Variants in SDK1 observed in about 807,000 individuals in gnomAD.
The protein encoded by SDK1 is protein sidekick-1.
SDK1 carries 157 observed loss-of-function variants against 245.5 expected under a neutral mutation model. That is an observed-to-expected ratio of 0.64 (90% CI 0.56 to 0.73). The LOEUF (loss-of-function observed/expected upper bound fraction) is 0.73, where lower values mean the gene tolerates loss of function less well. Among genes scored for constraint, SDK1 ranks in the 30% least tolerant of loss-of-function variants. The pLI, the probability that SDK1 is intolerant of heterozygous loss-of-function variation, is 0.00. For synonymous variants in SDK1, 1,647 were observed against 1,278.5 expected, an observed-to-expected ratio of 1.29 and a Z score of -6.15; for missense variants, 3,583 against 3,002.3, an observed-to-expected ratio of 1.19 and a Z score of -4.52.
At chr7:3,504,178 A>ATGTGTGTGTGTGTGTGTGTGTG (rs1159786202) in intron 1 of SDK1, among the ~76,000 whole-genome samples, 5 of 52,428 alleles carry the variant, frequency 9.5e-5, no homozygotes, top group Middle Eastern at 8.8e-3. Context: ...TTATATATAT[A>ATGTGTGTGTGTGTGTGTGTGTG]TATATGTGTG....
chr7:3,622,536 T>G (rs1195040183), intron 2 of SDK1, among the ~76,000 whole-genome samples: 1 of 152,146 alleles, frequency 6.6e-6, no homozygotes, highest in East Asian at 1.9e-4. Context: ...TGCCAAAGTG[T>G]ACAAAAAACT....
At chr7:4,197,951 A>G (rs1359541078) in intron 35 of SDK1, among the ~76,000 whole-genome samples, 2 of 152,192 alleles carry the variant, frequency 1.3e-5, no homozygotes, top group African/African-American at 4.8e-5. Flanking sequence ...CAAAGTGCAG[A>G]TGGTTTCGGA....
intron 1 of SDK1, among the ~76,000 whole-genome samples, chr7:3,367,606 C>T (rs1375914807): frequency 2.6e-5 from 4 of 152,120 alleles, no homozygotes; most frequent in African/African-American, 9.7e-5. Context: ...TGTATTTGTG[C>T]TGAATTTCCA....
chr7:4,220,474 A>G (rs1043387995), intron 39 of SDK1, among the ~76,000 whole-genome samples: 2 of 150,078 alleles, frequency 1.3e-5, no homozygotes, highest in Admixed American at 1.3e-4. Flanking sequence ...TGTTACATCC[A>G]TGGGCACATT....
At chr7:4,028,076 CAGT>C (rs1243933406) in intron 17 of SDK1, among the ~76,000 whole-genome samples, 2 of 152,040 alleles carry the variant, frequency 1.3e-5, no homozygotes, top group Non-Finnish European at 2.9e-5. Flanking sequence ...AGCAAATTGA[CAGT>C]GGTGGTTCTC....
chr7:3,398,475 C>A (rs1778785306), intron 1 of SDK1, among the ~76,000 whole-genome samples: 1 of 151,728 alleles, frequency 6.6e-6, no homozygotes, highest in South Asian at 2.1e-4. Context: ...GTTGTATAAT[C>A]ACCTTCCCCT....
intron 1 of SDK1, among the ~76,000 whole-genome samples, chr7:3,484,843 A>G (rs1479624588): frequency 1.3e-5 from 2 of 152,134 alleles, no homozygotes; most frequent in African/African-American, 4.8e-5. Context: ...TCATTTTTTC[A>G]GTGGCTGAAT....
intron 22 of SDK1, among the ~76,000 whole-genome samples, chr7:4,080,341 C>T (rs7811534): frequency 0.042 from 6,411 of 152,020 alleles, 446 homozygotes; most frequent in African/African-American, 0.14. Context: ...TTGGTGAAGC[C>T]GTGCAATCTG....
chr7:3,905,293 C>T (rs1440906275), intron 5 of SDK1, among the ~76,000 whole-genome samples: 7 of 151,910 alleles, frequency 4.6e-5, no homozygotes, highest in South Asian at 2.1e-4. Context: ...TAAGTAATGC[C>T]GCAATGAATA....
chr7:3,466,979 T>TACACACAC (rs11269597), intron 1 of SDK1, among the ~76,000 whole-genome samples: 2,492 of 127,522 alleles, frequency 0.02, 42 homozygotes, highest in African/African-American at 0.036. Flanking sequence ...TCTCTCTCTC[T>TACACACAC]ACACACACAC....
chr7:3,640,697 T>G (rs1445501446), intron 3 of SDK1, among the ~76,000 whole-genome samples: 5 of 152,152 alleles, frequency 3.3e-5, no homozygotes, highest in Non-Finnish European at 4.4e-5. Context: ...TTTTTTTTCT[T>G]TTTTGAGACG....
chr7:4,194,424 GTATACGTATATACATATATGTATACA>G (rs1562416281), intron 35 of SDK1, among the ~76,000 whole-genome samples: 2 of 122,782 alleles, frequency 1.6e-5, no homozygotes, highest in Non-Finnish European at 3.6e-5. Context: ...GTGTATACAT[GTATACGTATATACATATATGTATACA>G]TGTATATATG....
At chr7:3,667,831 G>T (rs1203308566) in intron 4 of SDK1, among the ~76,000 whole-genome samples, 1 of 152,154 alleles carries the variant, frequency 6.6e-6, no homozygotes, top group African/African-American at 2.4e-5. Flanking sequence ...ACCACAGCTT[G>T]TTATTCTATT....
At chr7:3,751,616 C>T (rs368443876) in intron 4 of SDK1, among the ~76,000 whole-genome samples, 6 of 152,116 alleles carry the variant, frequency 3.9e-5, no homozygotes, top group African/African-American at 7.2e-5. Flanking sequence ...ATAGCCACAC[C>T]GACTTCCTCT....
At chr7:3,835,674 T>C (rs1780014804) in intron 5 of SDK1, among the ~76,000 whole-genome samples, 1 of 152,226 alleles carries the variant, frequency 6.6e-6, no homozygotes, top group Non-Finnish European at 1.5e-5. Context: ...ATGCATTCAT[T>C]AATTCATTGA....
chr7:4,191,219 T>G (rs950848564), intron 35 of SDK1, among the ~76,000 whole-genome samples: 1 of 151,108 alleles, frequency 6.6e-6, no homozygotes, highest in African/African-American at 2.4e-5. Flanking sequence ...GCAGTCACGG[T>G]GGGTGTCCTC....
chr7:3,633,599 AT>A (rs1228462529), intron 2 of SDK1, among the ~76,000 whole-genome samples: 1 of 151,776 alleles, frequency 6.6e-6, no homozygotes, highest in South Asian at 2.1e-4. Context: ...TTTTTTGTTT[AT>A]TTTTTCTTTT....
chr7:4,079,395 C>G, intron 21 of SDK1, 68 bp from the exon 22 acceptor site: 1 of 1,564,786 alleles, frequency 6.4e-7, no homozygotes, highest in African/African-American at 1.4e-5. Flanking sequence ...GAAGCTGACA[C>G]GTTTGATACC....
intron 5 of SDK1, among the ~76,000 whole-genome samples, chr7:3,870,251 A>G (rs550878106): frequency 2.6e-5 from 4 of 152,246 alleles, no homozygotes; most frequent in East Asian, 1.9e-4. Context: ...TTTTCATTCT[A>G]TAAATTTATT....
Sources: allele counts gnomAD v4.1 joint callset (sites outside exome capture counted in the v4.1 genomes callset), GRCh38; gene constraint gnomAD v4.1.1; transcripts MANE v1.5; gene names NCBI Gene and HGNC (gene_info 2026-07-23, HGNC 2026-07-21).